RYR3: variants seen among roughly 807,000 people sequenced by gnomAD.
The protein encoded by RYR3 is brain ryanodine receptor-calcium release channel.
RYR3 carries 207 observed loss-of-function variants against 584.3 expected under a neutral mutation model. The observed-to-expected ratio is 0.35, with a 90% CI of 0.32 to 0.40. The LOEUF (loss-of-function observed/expected upper bound fraction) is 0.40. Among genes scored for constraint, RYR3 ranks in the 10% least tolerant of loss-of-function variants. The pLI is 1.00. For synonymous variants in RYR3, 2,416 were observed against 2,248.5 expected (o/e 1.07, Z -2.11); for missense variants, 5,616 against 6,089.2 (o/e 0.92, Z 2.59).
chr15:33,774,393 A>C (rs569560197), intron 64 of RYR3, among the ~76,000 whole-genome samples: 11 of 152,304 alleles, frequency 7.2e-5, no homozygotes, highest in Non-Finnish European at 1.3e-4. Context: ...ACAATTACTT[A>C]ATCGAAAATC....
In RYR3 at chr15:33,715,886, TC is replaced by T. The variant is rs565355566; in HGVS notation, c.6620-6827del. Among the ~76,000 whole-genome samples, 380 of 152,268 alleles carry T rather than the reference TC, an allele frequency of 2.5e-3. 2 individuals carry two copies. The highest frequency in any genetic ancestry group is 8.9e-3 in the African/African-American group (368 of 41,552). The stretch of plus-strand genomic sequence containing the variant: ...TTAATCACCTCCCAAAGGCCACACT[TC>T]CTAATACTGTTTAATATGGTTTGGA... On this transcript the variant is annotated intron_variant, in intron 43 of 103. Transcript: ENST00000634891.
At chr15:33,692,521 A>G (rs1412772275) in intron 38 of RYR3, among the ~76,000 whole-genome samples, 1 of 151,990 alleles carries the variant, frequency 6.6e-6, no homozygotes, top group African/African-American at 2.4e-5. Flanking sequence ...TTTCCAGTAC[A>G]TATGGCTTTA....
At chr15:33,695,453 C>A (rs1485876905) in intron 38 of RYR3, among the ~76,000 whole-genome samples, 1 of 152,006 alleles carries the variant, frequency 6.6e-6, no homozygotes, top group African/African-American at 2.4e-5. Flanking sequence ...AGTATGAGCC[C>A]CAATAAATTC....
chr15:33,521,281 C>G (rs1430521246), intron 3 of RYR3, among the ~76,000 whole-genome samples: 1 of 152,160 alleles, frequency 6.6e-6, no homozygotes, highest in Non-Finnish European at 1.5e-5. Flanking sequence ...GGTACAGGTT[C>G]TTGCTGCAAA....
At position 33,646,385 on chromosome 15, in the gene RYR3, C is replaced by T. The variant is rs768607761; in HGVS notation, c.3800C>T (p.Pro1267Leu). 5.6e-6 allele frequency: 9 copies of T among 1,612,494 alleles called. No homozygotes were observed. The highest frequency in any genetic ancestry group is 3.3e-5 in the Admixed American group (2 of 59,932). The change falls in exon 29 of 104, where the codon CCG becomes CTG. Residue 1267 changes from proline to leucine, a missense_variant. Physicochemically the swap from Pro to Leu is moderately conservative, Grantham distance 98 (BLOSUM62 -3). Transcript: ENST00000634891. ...ATTGATGGCACCATGGACAGCCCTC[C>T]GTGTCTCAAGGTGACGCATAAGACA... ...MRIDGTMDSP[P>L]CLKVTHKTFG...
At chr15:33,562,350 C>T (rs1181132442) in intron 10 of RYR3, among the ~76,000 whole-genome samples, 3 of 152,222 alleles carry the variant, frequency 2.0e-5, no homozygotes, top group Non-Finnish European at 2.9e-5. Flanking sequence ...CAAAGGGTCT[C>T]CTTTCTCTGC....
intron 1 of RYR3, among the ~76,000 whole-genome samples, chr15:33,466,017 T>G (rs1417461445): frequency 6.6e-6 from 1 of 152,190 alleles, no homozygotes; most frequent in Non-Finnish European, 1.5e-5. Flanking sequence ...AATCTGATTT[T>G]GGATATAGTA....
At chr15:33,579,585 T>C (rs2058489666) in intron 12 of RYR3, among the ~76,000 whole-genome samples, 1 of 152,170 alleles carries the variant, frequency 6.6e-6, no homozygotes, top group Non-Finnish European at 1.5e-5. Context: ...CTGCTATAGA[T>C]AGAAGAGTCA....
Position 33,746,098 on chromosome 15 carries a change from C to A in RYR3, c.7930C>A (p.Leu2644Met), listed in dbSNP as rs759021326. Residue 2644 changes from leucine to methionine, a missense_variant, in exon 53 of 104, where the codon CTG becomes ATG. Coordinates refer to ENST00000634891, the MANE Select transcript of RYR3 (RefSeq NM_001036.6). Reference sequence around the variant, plus strand: ...GAGTGGATGGAAATATGGGATTTCCCTGGATGAAAATGTGAAGACCCACCC... The same window carrying A: ...GAGTGGATGGAAATATGGGATTTCCATGGATGAAAATGTGAAGACCCACCC... ...SQSGWKYGISLDENVKTHPLI... is the reference protein window; with the variant it reads ...SQSGWKYGISMDENVKTHPLI... 1 of 1,600,586 alleles carries A rather than the reference C, an allele frequency of 6.2e-7. No homozygotes were observed. Among genetic ancestry groups the A allele is most frequent in the Non-Finnish European group, 8.5e-7 (1 of 1,173,554 alleles).
At chr15:33,747,062 C>T (rs143489584) in intron 53 of RYR3, among the ~76,000 whole-genome samples, 5,148 of 152,064 alleles carry the variant, frequency 0.034, 271 homozygotes, top group African/African-American at 0.12. Context: ...CCTCCCACCT[C>T]GGCCTCCCAA....
At chr15:33,437,818 A>T (rs1051136031) in intron 1 of RYR3, among the ~76,000 whole-genome samples, 1 of 152,130 alleles carries the variant, frequency 6.6e-6, no homozygotes, top group South Asian at 2.1e-4. Context: ...CTGCTGCCTC[A>T]ATCACCCGGG....
Position 33,705,904 on chromosome 15 carries a change from G to T in RYR3, c.6484-1015G>T, listed in dbSNP as rs899581241. ...GCCCCCAGTGGGCCCTTCTTTTCCTGCACTGTTGTCTCCCCAGATGTACGC... is the reference window on the plus strand; with the variant it reads ...GCCCCCAGTGGGCCCTTCTTTTCCTTCACTGTTGTCTCCCCAGATGTACGC... On this transcript the variant is annotated intron_variant, in intron 42 of 103. Transcript: ENST00000634891. 3.3e-5 allele frequency among the ~76,000 whole-genome samples: 5 copies of T among 152,258 alleles called. 1 individual carries two copies. Among genetic ancestry groups the T allele is most frequent in the Admixed American group, 1.3e-4 (2 of 15,294 alleles).
intron 94 of RYR3, chr15:33,851,786 G>A (rs183208680): frequency 8.9e-4 from 135 of 152,262 alleles, no homozygotes; most frequent in African/African-American, 3.1e-3. Context: ...AGGTATCAGT[G>A]TGGCAGAGAG....
intron 4 of RYR3, among the ~76,000 whole-genome samples, chr15:33,531,338 T>A (rs745405353): frequency 6.6e-6 from 1 of 151,908 alleles, no homozygotes; most frequent in Non-Finnish European, 1.5e-5. Context: ...TATAAAAAAA[T>A]ATAATTTTAC....
At chr15:33,715,505 A>T (rs8032311) in intron 43 of RYR3, among the ~76,000 whole-genome samples, 26,984 of 152,216 alleles carry the variant, frequency 0.18, 2,574 homozygotes, top group Admixed American at 0.27. Context: ...AGATATGGCT[A>T]GTTGCAGCTG....
At chr15:33,861,944 C>G (rs1888397517) in intron 102 of RYR3, among the ~76,000 whole-genome samples, 1 of 151,886 alleles carries the variant, frequency 6.6e-6, no homozygotes, top group African/African-American at 2.4e-5. Flanking sequence ...TATCCCAGTA[C>G]CTAGAACAAT....
intron 13 of RYR3, 128 bp from the exon 14 acceptor site, chr15:33,581,380 C>CA: frequency 1.1e-6 from 1 of 921,384 alleles, no homozygotes; most frequent in Non-Finnish European, 1.6e-6. Flanking sequence ...CAACTGGCAC[C>CA]ATGAAGGTCT....
intron 60 of RYR3, among the ~76,000 whole-genome samples, chr15:33,765,323 G>T (rs1184204984): frequency 6.6e-6 from 1 of 151,966 alleles, no homozygotes; most frequent in African/African-American, 2.4e-5. Flanking sequence ...GTAGCAAAAA[G>T]CTAAGACCCT....
Position 33,848,326 on chromosome 15 carries a change from C to A in RYR3, c.13533C>A (p.Ile4511=), listed in dbSNP as rs546016328. ...PLVVFKREKE[I]ARKLEFDGLY... ...TGGTTTTCAAAAGGGAAAAAGAAAT[C>A]GCCAGGAAGCTGGAGTTTGATGGCC... is the stretch of plus-strand genomic sequence containing the variant. Residue 4511 remains isoleucine (I), a synonymous_variant, in exon 94 of 104, where the codon ATC becomes ATA. Coordinates refer to ENST00000634891, the MANE Select transcript of RYR3 (RefSeq NM_001036.6). 1.2e-5 allele frequency: 20 copies of A among 1,613,698 alleles called. No individual in the cohort carries two copies. Among genetic ancestry groups the A allele is most frequent in the Non-Finnish European group, 1.6e-5 (19 of 1,179,904 alleles).
Sources: allele counts gnomAD v4.1 joint callset (sites outside exome capture counted in the v4.1 genomes callset), GRCh38; gene constraint gnomAD v4.1.1; transcripts MANE v1.5; gene names NCBI Gene and HGNC (gene_info 2026-07-23, HGNC 2026-07-21).